FZD3: variants seen among roughly 807,000 people sequenced by gnomAD.
FZD3 encodes the protein frizzled class receptor 3.
FZD3 carries 30 observed loss-of-function variants against 60.7 expected under a neutral mutation model. The observed-to-expected ratio is 0.49, with a 90% CI of 0.37 to 0.67. The LOEUF (loss-of-function observed/expected upper bound fraction) is 0.67. Ranked by LOEUF, FZD3 falls within the 30% of genes least tolerant of loss-of-function variation. The pLI, the probability that FZD3 is intolerant of heterozygous loss-of-function variation, is 0.00. For missense variants in FZD3, 605 were observed against 838.7 expected, an observed-to-expected ratio of 0.72 and a Z score of 3.44; for synonymous variants, 246 against 275.2, an observed-to-expected ratio of 0.89 and a Z score of 1.05.
intron 3 of FZD3, among the ~76,000 whole-genome samples, chr8:28,514,253 G>C (rs940622137): frequency 6.6e-6 from 1 of 152,086 alleles, no homozygotes; most frequent in Admixed American, 6.5e-5. Flanking sequence ...TTTGTTCTCA[G>C]ATTTTTAGTG....
intron 5 of FZD3, among the ~76,000 whole-genome samples, chr8:28,538,403 C>T (rs1381460809): frequency 6.6e-6 from 1 of 152,112 alleles, no homozygotes; most frequent in African/African-American, 2.4e-5. Context: ...AATTTACACA[C>T]ATCATCTCAT....
chr8:28,559,749 A>G (rs1431027146), intron 7 of FZD3, among the ~76,000 whole-genome samples: 1 of 152,130 alleles, frequency 6.6e-6, no homozygotes, highest in Admixed American at 6.5e-5. Context: ...TCTCATGGAG[A>G]TTTCCTTCTG....
chr8:28,551,873 C>A, intron 6 of FZD3, 122 bp downstream of exon 6: 2 of 795,002 alleles, frequency 2.5e-6, no homozygotes, highest in Non-Finnish European at 4.0e-6. Context: ...ACATTTTCAG[C>A]AGTATCCAGT....
Position 28,570,556 on chromosome 8 carries a change from C to G in FZD3, c.*7545C>G, listed in dbSNP as rs897141620. ...AGGAGAATGGCGTGAACCCGGGAGG[C>G]GGAGCTTGCAGTGAGCTGAGATCGC... On this transcript the variant is annotated 3_prime_UTR_variant, in exon 8 of 8. Transcript: ENST00000240093. 6.7e-6 allele frequency: 1 copy of G among 149,180 alleles called. No individual in the cohort carries two copies. Among genetic ancestry groups the G allele is most frequent in the African/African-American group, 2.5e-5 (1 of 40,204 alleles). The allele number at this position is 149,180 out of a possible 1,614,324, so 9.2% of individuals were successfully genotyped here.
intron 5 of FZD3, among the ~76,000 whole-genome samples, chr8:28,536,136 A>C (rs187350654): frequency 3.3e-5 from 5 of 152,230 alleles, no homozygotes; most frequent in African/African-American, 1.2e-4. Context: ...TTACAAGTAC[A>C]TAATTCTTGA....
At chr8:28,560,069 G>A (rs1805587222) in intron 7 of FZD3, among the ~76,000 whole-genome samples, 1 of 152,148 alleles carries the variant, frequency 6.6e-6, no homozygotes, top group Admixed American at 6.5e-5. Flanking sequence ...TGGTAAGTGG[G>A]TGCCATGACA....
At chr8:28,512,392 T>C (rs1265818239) in intron 3 of FZD3, among the ~76,000 whole-genome samples, 3 of 152,136 alleles carry the variant, frequency 2.0e-5, no homozygotes, top group East Asian at 1.9e-4. Flanking sequence ...GAAAAACATA[T>C]ATGCATGTTC....
intron 4 of FZD3, among the ~76,000 whole-genome samples, chr8:28,522,622 A>G (rs984929255): frequency 1.3e-5 from 2 of 151,962 alleles, no homozygotes; most frequent in African/African-American, 4.8e-5. Flanking sequence ...GTGTCTTTTT[A>G]TTTTAATAGC....
At chr8:28,497,883 C>T (rs760384817) in intron 1 of FZD3, among the ~76,000 whole-genome samples, 9 of 152,130 alleles carry the variant, frequency 5.9e-5, no homozygotes, top group Non-Finnish European at 1.0e-4. Context: ...GCAGGCAGCC[C>T]GGGAAGACAG....
At chr8:28,522,285 A>G (rs1804601741) in intron 4 of FZD3, among the ~76,000 whole-genome samples, 1 of 152,146 alleles carries the variant, frequency 6.6e-6, no homozygotes, top group Admixed American at 6.5e-5. Context: ...GAAAAAAAAA[A>G]CAGTGTTATT....
Position 28,570,616 on chromosome 8 carries a change from C to T in FZD3, c.*7605C>T. ...CTCCAGCCTGGGCAACGGAGCGAGACTCTATCTCAAAAAAAAAAAAAGAAA... is the reference window on the plus strand; with the variant it reads ...CTCCAGCCTGGGCAACGGAGCGAGATTCTATCTCAAAAAAAAAAAAAGAAA... On this transcript the variant is annotated 3_prime_UTR_variant, in exon 8 of 8. Transcript: ENST00000240093. The T allele has an allele frequency of 6.8e-6, 1 of 146,006 alleles. No homozygotes were observed. The highest frequency in any genetic ancestry group is 1.5e-5 in the Non-Finnish European group (1 of 67,378). 9.0% of individuals were successfully genotyped at this position (146,006 alleles called of 1,614,324 possible). A position where few individuals can be genotyped will look rare whatever the true frequency, so the allele number is the denominator to read the frequency against.
chr8:28,523,095 T>TTTTA (rs1804628181), intron 4 of FZD3, among the ~76,000 whole-genome samples: 1 of 152,136 alleles, frequency 6.6e-6, no homozygotes, highest in Non-Finnish European at 1.5e-5. Context: ...ATAGCAACCT[T>TTTTA]TTTATTCTTT....
In FZD3 at chr8:28,566,052, G is replaced by A. The variant is rs1805700064; in HGVS notation, c.*3041G>A. The A allele has an allele frequency of 1.3e-5, 2 of 152,090 alleles. No individual in the cohort carries two copies. Among genetic ancestry groups the A allele is most frequent in the South Asian group, 4.1e-4 (2 of 4,832 alleles). 9.4% of individuals were successfully genotyped at this position (152,090 alleles called of 1,614,324 possible). On this transcript the variant is annotated 3_prime_UTR_variant, in exon 8 of 8. Transcript: ENST00000240093. The stretch of plus-strand genomic sequence containing the variant: ...AACAGTTTGTTTCAAAGAACAATTG[G>A]TTAATAACTCAGCTGGCACAGGGAT...
intron 7 of FZD3, 106 bp downstream of exon 7, chr8:28,556,077 C>G (rs1805503127): frequency 1.3e-6 from 1 of 750,676 alleles, no homozygotes; most frequent in Non-Finnish European, 2.2e-6. Context: ...CATAATTAAG[C>G]CTTTGAACTT....
chr8:28,518,654 G>T lies in FZD3; in HGVS notation c.190-1984G>T, dbSNP rs529412796. 7.9e-5 allele frequency among the ~76,000 whole-genome samples: 12 copies of T among 152,176 alleles called. No individual in the cohort carries two copies. In the South Asian group the frequency reaches 8.3e-4, roughly 11 times the overall value. ...CATAGGGAAAACTGGCTTTGTGTTA[G>T]ACTCAGTCCTTCCCACTTCTTCTCA... On this transcript the variant is annotated intron_variant, in intron 3 of 7. Coordinates refer to ENST00000240093, the MANE Select transcript of FZD3 (RefSeq NM_017412.4).
intron 3 of FZD3, among the ~76,000 whole-genome samples, chr8:28,507,054 A>G (rs762374715): frequency 1.3e-5 from 2 of 152,226 alleles, no homozygotes; most frequent in African/African-American, 2.4e-5. Context: ...ACCTCCGAAA[A>G]GTAAGGTATC....
chr8:28,541,299 C>T lies in FZD3; in HGVS notation c.1405-10304C>T, dbSNP rs147936339. The stretch of plus-strand genomic sequence containing the variant: ...AGTTGCTTTCACACTGTATCCCTGC[C>T]ATGGGCAGTGCTGACTTGTCTTTTC... On this transcript the variant is annotated intron_variant, in intron 5 of 7. Transcript: ENST00000240093. Among the ~76,000 whole-genome samples, 868 of 152,334 alleles carry T rather than the reference C, an allele frequency of 5.7e-3. 12 individuals are homozygous for T. Among genetic ancestry groups the T allele is most frequent in the Middle Eastern group, 0.024 (7 of 294 alleles).
chr8:28,551,998 A>T (rs1207973203), intron 6 of FZD3, among the ~76,000 whole-genome samples: 1 of 152,208 alleles, frequency 6.6e-6, no homozygotes, highest in African/African-American at 2.4e-5. Context: ...TACTTGAAGG[A>T]AGTCCAATCT....
At chr8:28,541,661 A>G (rs1805170695) in intron 5 of FZD3, among the ~76,000 whole-genome samples, 1 of 152,178 alleles carries the variant, frequency 6.6e-6, no homozygotes, top group Non-Finnish European at 1.5e-5. Context: ...CTGTGCTCCA[A>G]AATATCTATT....
Sources: gnomAD v4.1 joint callset for allele counts (sites outside exome capture counted in the v4.1 genomes callset) on GRCh38, gnomAD v4.1.1 for gene constraint, MANE v1.5 for transcripts, NCBI Gene and HGNC (gene_info 2026-07-23, HGNC 2026-07-21) for gene names.